The following MTARC2 variants were observed in gnomAD, a reference collection of about 807,000 sequenced individuals.
MTARC2 encodes the protein mitochondrial amidoxime reducing component 2.
A neutral mutation model predicts 35.6 loss-of-function variants in MTARC2; 27 were observed. The ratio of observed to expected loss-of-function variants is 0.76; its 90% CI spans 0.56 to 1.04. The LOEUF (loss-of-function observed/expected upper bound fraction) is 1.04, where lower values mean the gene tolerates loss of function less well. MTARC2 is among the 50% of genes least tolerant of loss of function. The pLI is 0.00. For synonymous variants in MTARC2, 158 were observed against 167.1 expected (o/e 0.95, Z 0.42); for missense variants, 412 against 432.5 (o/e 0.95, Z 0.42).
At position 220,770,545 on chromosome 1, in the gene MTARC2, G is replaced by A. The variant is rs147605514; in HGVS notation, c.750+7495G>A. 380 of 985,396 alleles carry A rather than the reference G, an allele frequency of 3.9e-4. 3 individuals are homozygous for A. In the African/African-American group the frequency reaches 6.3e-3, roughly 16 times the overall value. 61.0% of individuals were successfully genotyped at this position (985,396 alleles called of 1,614,324 possible). ...CAAATACAGATGTTGGAGTAGAGACGGCAGAGTGGAGGTAAGGCAGGATTG... is the reference window on the plus strand; with the variant it reads ...CAAATACAGATGTTGGAGTAGAGACAGCAGAGTGGAGGTAAGGCAGGATTG... On this transcript the variant is annotated intron_variant, in intron 4 of 7. Transcript: ENST00000366913.
chr1:220,757,389 TG>T (rs1671308972), intron 2 of MTARC2, among the ~76,000 whole-genome samples: 1 of 152,254 alleles, frequency 6.6e-6, no homozygotes, highest in African/African-American at 2.4e-5. Flanking sequence ...TAGTTCAGCC[TG>T]TATTTATAAG....
At chr1:220,767,026 A>G (rs1180126735) in intron 4 of MTARC2, among the ~76,000 whole-genome samples, 1 of 152,076 alleles carries the variant, frequency 6.6e-6, no homozygotes. Context: ...ATAAACTGTT[A>G]AATGAATTTG....
chr1:220,752,080 A>C (rs1467229861), intron 1 of MTARC2, among the ~76,000 whole-genome samples: 1 of 152,156 alleles, frequency 6.6e-6, no homozygotes, highest in Non-Finnish European at 1.5e-5. Flanking sequence ...ATGAGTGGGA[A>C]ACCTCTAGTG....
chr1:220,750,985 G>A (rs1671110136), intron 1 of MTARC2, among the ~76,000 whole-genome samples: 1 of 152,182 alleles, frequency 6.6e-6, no homozygotes, highest in African/African-American at 2.4e-5. Flanking sequence ...GGTCTCTAAA[G>A]CCCCATTTTA....
At chr1:220,752,679 T>C (rs997628470) in intron 1 of MTARC2, among the ~76,000 whole-genome samples, 6 of 151,952 alleles carry the variant, frequency 3.9e-5, no homozygotes, top group Non-Finnish European at 7.4e-5. Context: ...GGACCCCATC[T>C]CTACAAAAAA....
At chr1:220,759,299 A>C (rs1333124175) in intron 2 of MTARC2, among the ~76,000 whole-genome samples, 1 of 152,198 alleles carries the variant, frequency 6.6e-6, no homozygotes, top group African/African-American at 2.4e-5. Flanking sequence ...TTACTAATGA[A>C]GTTTTATTGA....
intron 4 of MTARC2, among the ~76,000 whole-genome samples, chr1:220,773,658 G>A (rs1412285451): frequency 6.6e-6 from 1 of 152,124 alleles, no homozygotes; most frequent in Non-Finnish European, 1.5e-5. Flanking sequence ...GAGTTGAATT[G>A]TTGGACACCC....
chr1:220,774,828 C>T (rs1259717914), intron 4 of MTARC2, among the ~76,000 whole-genome samples: 1 of 152,160 alleles, frequency 6.6e-6, no homozygotes. Flanking sequence ...TGTGCACTCT[C>T]TCTGGCTATA....
At chr1:220,771,484 A>T (rs1463591521) in intron 4 of MTARC2, among the ~76,000 whole-genome samples, 1 of 152,160 alleles carries the variant, frequency 6.6e-6, no homozygotes, top group Non-Finnish European at 1.5e-5. Flanking sequence ...GAGGATACTT[A>T]TCCTTGAAGG....
intron 1 of MTARC2, among the ~76,000 whole-genome samples, chr1:220,749,420 C>CCTA (rs1671071976): frequency 9.5e-6 from 1 of 105,552 alleles, no homozygotes; most frequent in African/African-American, 6.4e-5. Context: ...GATTAAGATG[C>CCTA]CTTCTTCTTT....
At chr1:220,775,931 T>C (rs1315622485) in intron 4 of MTARC2, among the ~76,000 whole-genome samples, 2 of 152,250 alleles carry the variant, frequency 1.3e-5, no homozygotes, top group East Asian at 3.8e-4. Flanking sequence ...CCACTGTTGA[T>C]AGGCATCTAG....
chr1:220,775,653 A>T lies in MTARC2; in HGVS notation c.751-4365A>T, dbSNP rs1371254352. Among the ~76,000 whole-genome samples, 6 of 151,958 alleles carry T rather than the reference A, an allele frequency of 3.9e-5. No homozygotes were observed. In the East Asian group the frequency reaches 1.2e-3, roughly 29 times the overall value. ...GCAGGTAATAAGCATAGTACCCTAT[A>T]GTGTTTCAATTCTCACCCTCTTCCT... On this transcript the variant is annotated intron_variant, in intron 4 of 7. Coordinates refer to ENST00000366913, the MANE Select transcript of MTARC2 (RefSeq NM_017898.5).
intron 1 of MTARC2, among the ~76,000 whole-genome samples, chr1:220,751,788 T>G (rs1195122693): frequency 2.0e-5 from 3 of 152,354 alleles, no homozygotes; most frequent in East Asian, 3.9e-4. Flanking sequence ...GAATTCAAGG[T>G]GCTGGCTTTT....
chr1:220,748,409 G>A lies in MTARC2; in HGVS notation c.-123G>A. ...CGTCTCGGCGGTGAAAGTGTGAGAG[G>A]GTCCGTAGTTGGGTCAACTTTGACT... On this transcript the variant is annotated 5_prime_UTR_variant, in exon 1 of 8. Transcript: ENST00000366913. 1 of 1,006,714 alleles carries A rather than the reference G, an allele frequency of 9.9e-7. No individual in the cohort carries two copies. Among genetic ancestry groups the A allele is most frequent in the Non-Finnish European group, 1.3e-6 (1 of 769,878 alleles). 62.4% of individuals were successfully genotyped at this position (1,006,714 alleles called of 1,614,324 possible). A position where few individuals can be genotyped will look rare whatever the true frequency, so the allele number is the denominator to read the frequency against.
intron 1 of MTARC2, 37 bp downstream of exon 1, chr1:220,748,840 T>A: frequency 6.6e-7 from 1 of 1,525,150 alleles, no homozygotes; most frequent in Non-Finnish European, 8.8e-7. Flanking sequence ...GCGCGGAGCC[T>A]GCCTGGGATG....
In MTARC2 at chr1:220,748,615, A is replaced by G. The variant is rs1671045047; in HGVS notation, c.84A>G (p.Leu28=). 1.4e-6 allele frequency: 2 copies of G among 1,480,716 alleles called. No individual in the cohort carries two copies. The highest frequency in any genetic ancestry group is 8.9e-7 in the Non-Finnish European group (1 of 1,124,404). The allele number at this position is 1,480,716 out of a possible 1,614,324, so 91.7% of individuals were successfully genotyped here. The change falls in exon 1 of 8, where the codon CTA becomes CTG. Residue 28 remains leucine, a synonymous_variant. Coordinates refer to ENST00000366913, the MANE Select transcript of MTARC2 (RefSeq NM_017898.5). ...CCAGGTGGCTCGGGGTCGCCGCGCT[A>G]GGACTGGCCGCCGTGGCCCTGGGGA... ...PWPRWLGVAA[L]GLAAVALGTV...
At position 220,781,918 on chromosome 1, in the gene MTARC2, C is replaced by A; in HGVS notation, c.*17C>A. ...ATGGTGTAGTGATGAGTGATGGATC[C>A]ACTAGGGTGATATGGTAAAGGGTCA... is the stretch of plus-strand genomic sequence containing the variant. On this transcript the variant is annotated 3_prime_UTR_variant, in exon 7 of 8. Coordinates refer to ENST00000366913, the MANE Select transcript of MTARC2 (RefSeq NM_017898.5). 6.2e-7 allele frequency: 1 copy of A among 1,612,634 alleles called. No homozygotes were observed. The highest frequency in any genetic ancestry group is 1.7e-5 in the Admixed American group (1 of 59,896).
intron 4 of MTARC2, among the ~76,000 whole-genome samples, chr1:220,766,833 T>A (rs1671590112): frequency 6.8e-6 from 1 of 147,502 alleles, no homozygotes; most frequent in African/African-American, 2.6e-5. Flanking sequence ...CTTTTTTTTT[T>A]TAAATAATAA....
intron 4 of MTARC2, among the ~76,000 whole-genome samples, chr1:220,777,517 G>A (rs551191281): frequency 1.3e-3 from 198 of 152,298 alleles, no homozygotes; most frequent in South Asian, 1.9e-3. Context: ...GCAGCCAGGG[G>A]AGTAGGAATA....
Sources: allele counts gnomAD v4.1 joint callset (sites outside exome capture counted in the v4.1 genomes callset), GRCh38; gene constraint gnomAD v4.1.1; transcripts MANE v1.5; gene names NCBI Gene and HGNC (gene_info 2026-07-23, HGNC 2026-07-21).